Variants in RRP12 observed in about 807,000 individuals in gnomAD.
RRP12 encodes the protein ribosomal RNA processing 12 homolog.
A neutral mutation model predicts 157.3 loss-of-function variants in RRP12; 78 were observed. The observed-to-expected ratio is 0.50, with a 90% CI of 0.41 to 0.60. The LOEUF (loss-of-function observed/expected upper bound fraction) is 0.60, where lower values mean the gene tolerates loss of function less well. Ranked by LOEUF, RRP12 falls within the 20% of genes least tolerant of loss-of-function variation. The probability of loss-of-function intolerance (pLI) is 0.00; values close to 1 mark genes in which losing one functional copy is unlikely to be tolerated. For missense variants in RRP12, 1,521 were observed against 1,679.9 expected, an observed-to-expected ratio of 0.91 and a Z score of 1.65; for synonymous variants, 726 against 670.9, an observed-to-expected ratio of 1.08 and a Z score of -1.27.
intron 10 of RRP12, among the ~76,000 whole-genome samples, chr10:97,383,146 TTA>T (rs1257362215): frequency 5.9e-5 from 9 of 152,328 alleles, no homozygotes; most frequent in African/African-American, 2.2e-4. Context: ...CTTCCAGTTT[TTA>T]TATGTTACCT....
rs145721475 is a variant in RRP12 at position 97,390,460 on chromosome 10, T to C, written c.716A>G (p.His239Arg). 1.9e-5 allele frequency: 30 copies of C among 1,613,970 alleles called. No homozygotes were observed. Among genetic ancestry groups the C allele is most frequent in the Non-Finnish European group, 2.5e-5 (29 of 1,179,978 alleles). The stretch of plus-strand genomic sequence containing the variant: ...ATGCACCGTGAAGCTCAGCAGCCCA[T>C]GGTACACCTGAAGGGTCACGGGGTA... Reference protein sequence around the residue: ...WGYPVTLQVYHGLLSFTVHPK... With the variant: ...WGYPVTLQVYRGLLSFTVHPK... Residue 239 changes from histidine (H) to arginine (R), a missense_variant, in exon 6 of 34, where the codon CAT becomes CGT. By Grantham distance (29) the His-to-Arg change is conservative. Coordinates refer to ENST00000370992, the MANE Select transcript of RRP12 (RefSeq NM_015179.4).
chr10:97,366,522 G>T lies in RRP12; in HGVS notation c.3315C>A (p.Ser1105Arg). The T allele has an allele frequency of 6.2e-7, 1 of 1,614,086 alleles. No homozygotes were observed. The highest frequency in any genetic ancestry group is 8.5e-7 in the Non-Finnish European group (1 of 1,180,040). ...CACCGCCCTCTTTCAGCCATGCCCG[G>T]CTCCTCTGTCGTGCCAGCTTCCGCT... ...KEQRKLARQRSRAWLKEGGGD... is the reference protein window; with the variant it reads ...KEQRKLARQRRRAWLKEGGGD... Residue 1105 changes from serine (S) to arginine (R), a missense_variant, in exon 28 of 34, where the codon AGC becomes AGA. By Grantham distance (110) the Ser-to-Arg change is moderately radical. Coordinates refer to ENST00000370992, the MANE Select transcript of RRP12 (RefSeq NM_015179.4).
rs188789209 is a variant in RRP12 at position 97,385,302 on chromosome 10, A to G, written c.1117-45T>C. 1.3e-4 allele frequency: 193 copies of G among 1,439,952 alleles called. 1 individual carries two copies. In the East Asian group the frequency reaches 3.6e-3, roughly 27 times the overall value. 89.2% of individuals were successfully genotyped at this position (1,439,952 alleles called of 1,614,324 possible). On this transcript the variant is annotated intron_variant, in intron 9 of 33. Coordinates refer to ENST00000370992, the MANE Select transcript of RRP12 (RefSeq NM_015179.4). ...GGTGACTGAGCATGCAGGGTCTGCA[A>G]TAGCCCAGTGATGATGACCCCTTCC...
At chr10:97,368,732 A>G (rs1844057604) in intron 25 of RRP12, among the ~76,000 whole-genome samples, 1 of 152,210 alleles carries the variant, frequency 6.6e-6, no homozygotes. Context: ...GGTCCCTAGT[A>G]GGCTGCAGGC....
chr10:97,365,218 G>A (rs7918948), intron 29 of RRP12, among the ~76,000 whole-genome samples: 50,154 of 150,666 alleles, frequency 0.33, 9,006 homozygotes, highest in African/African-American at 0.47. Flanking sequence ...CCCAGAGCTC[G>A]CAGCACTGGG....
At chr10:97,379,190 G>GA in intron 15 of RRP12, 103 bp downstream of exon 15, 1 of 1,367,360 alleles carries the variant, frequency 7.3e-7, no homozygotes, top group Admixed American at 1.8e-5. Context: ...CAAACGTCTT[G>GA]AAGGCTGGGT....
At chr10:97,395,992 C>A (rs1844952604) in intron 3 of RRP12, among the ~76,000 whole-genome samples, 1 of 151,786 alleles carries the variant, frequency 6.6e-6, no homozygotes, top group Admixed American at 6.6e-5. Flanking sequence ...ATAGTGAGAC[C>A]CTGTCTCTTT....
chr10:97,381,528 C>G (rs780645219), intron 11 of RRP12, 45 bp from the exon 12 acceptor site: 26 of 1,446,156 alleles, frequency 1.8e-5, no homozygotes, highest in Middle Eastern at 3.6e-4. Context: ...GGCAGCCCCC[C>G]AGGACCACTC....
intron 15 of RRP12, among the ~76,000 whole-genome samples, chr10:97,379,037 G>A (rs142624792): frequency 1.2e-4 from 19 of 152,364 alleles, no homozygotes; most frequent in Non-Finnish European, 2.6e-4. Context: ...GGCCCAGTTG[G>A]GGCAGCTCCA....
chr10:97,358,630 A>G lies in RRP12; in HGVS notation c.3709-11T>C, dbSNP rs1216344742. On this transcript the variant is annotated splice_polypyrimidine_tract_variant and intron_variant, in intron 32 of 33. Transcript: ENST00000370992. ...ATCACCTTTTGCTTTCTGCTTGCCC[A>G]GAGAAACAGAGTCAGCTAGGAGGGT... The G allele has an allele frequency of 1.2e-6, 2 of 1,606,000 alleles. No individual in the cohort carries two copies. The highest frequency in any genetic ancestry group is 1.7e-6 in the Non-Finnish European group (2 of 1,172,930).
chr10:97,393,731 C>T lies in RRP12; in HGVS notation c.483G>A (p.Pro161=), dbSNP rs200665625. The T allele has an allele frequency of 4.8e-5, 77 of 1,614,024 alleles. No individual in the cohort carries two copies. The highest frequency in any genetic ancestry group is 6.7e-5 in the Admixed American group (4 of 59,996). Residue 161 remains proline, a synonymous_variant, in exon 4 of 34, where the codon CCG becomes CCA. Coordinates refer to ENST00000370992, the MANE Select transcript of RRP12 (RefSeq NM_015179.4). The part of the protein sequence containing the change: ...LMTTMEAVES[P]ESLAAVAYLL... ...GGTAAGCAACGGCGGCCAGGGACTC[C>T]GGGGACTCCACTGCTTCCATTGTTG...
Position 97,388,524 on chromosome 10 carries a change from G to A in RRP12, c.854C>T (p.Ala285Val), listed in dbSNP as rs1347650402. The change falls in exon 7 of 34, where the codon GCC becomes GTC. Residue 285 changes from alanine to valine, a missense_variant. Transcript: ENST00000370992. ...CTCAATCTCCTGGATGCAGAACTTG[G>A]CAGTGGAAATGGCAGCAGGATGATG... ...PAHHPAAIST[A>V]KFCIQEIEKS... 6.2e-7 allele frequency: 1 copy of A among 1,614,192 alleles called. No individual in the cohort carries two copies. Among genetic ancestry groups the A allele is most frequent in the South Asian group, 1.1e-5 (1 of 91,082 alleles).
chr10:97,386,999 AAG>A (rs1178530257), intron 8 of RRP12, among the ~76,000 whole-genome samples: 3 of 135,866 alleles, frequency 2.2e-5, no homozygotes, highest in African/African-American at 5.7e-5. Context: ...CAAAAAAAAA[AAG>A]AGAGAGAACA....
chr10:97,389,504 G>T (rs985647443), intron 6 of RRP12, among the ~76,000 whole-genome samples: 1 of 152,126 alleles, frequency 6.6e-6, no homozygotes, highest in African/African-American at 2.4e-5. Context: ...AGGGAAGGGG[G>T]CATGAGACCA....
chr10:97,360,406 T>A, intron 31 of RRP12, 140 bp downstream of exon 31: 3 of 687,116 alleles, frequency 4.4e-6, no homozygotes, highest in Non-Finnish European at 7.9e-6. Flanking sequence ...GAGTGTCATA[T>A]CAGCCAACCT....
rs1351023152 is a variant in RRP12 at position 97,379,881 on chromosome 10, A to G, written c.1534-111T>C. On this transcript the variant is annotated intron_variant, in intron 13 of 33. Transcript: ENST00000370992. Reference sequence around the variant, plus strand: ...ATTCTGGGCCTGGGTTCAACGCTACACCAGAGGGTACAGACTGAGAACCCA... The same window carrying G: ...ATTCTGGGCCTGGGTTCAACGCTACGCCAGAGGGTACAGACTGAGAACCCA... 2.2e-5 allele frequency: 23 copies of G among 1,046,492 alleles called. No individual in the cohort carries two copies. In the East Asian group the frequency reaches 5.2e-4, roughly 24 times the overall value. The allele number at this position is 1,046,492 out of a possible 1,614,324, so 64.8% of individuals were successfully genotyped here. A position where few individuals can be genotyped will look rare whatever the true frequency, so the allele number is the denominator to read the frequency against.
At chr10:97,361,531 C>T (rs1249725241) in intron 30 of RRP12, among the ~76,000 whole-genome samples, 1 of 152,212 alleles carries the variant, frequency 6.6e-6, no homozygotes, top group Non-Finnish European at 1.5e-5. Context: ...GAAAGGTATG[C>T]CAGGTAAAGG....
At chr10:97,379,097 C>A (rs1459391302) in intron 15 of RRP12, among the ~76,000 whole-genome samples, 196 bp downstream of exon 15, 4 of 152,218 alleles carry the variant, frequency 2.6e-5, no homozygotes, top group Non-Finnish European at 5.9e-5. Context: ...CAGGGAGGGC[C>A]ACCTGGCCTC....
rs1379396173 is a variant in RRP12 at position 97,373,674 on chromosome 10, G to A, written c.1927C>T (p.Leu643=). The part of the protein sequence containing the change: ...PTDVAISFKG[L]ARTLGMAISE... ...ATGGCCATGCCCAGCGTCCGTGCCA[G>A]CCCTTTGAAGGAGATGGCCACATCT... The change falls in exon 17 of 34, where the codon CTG becomes TTG. Residue 643 remains leucine (L), a synonymous_variant. Transcript: ENST00000370992. 1 of 1,613,984 alleles carries A rather than the reference G, an allele frequency of 6.2e-7. No homozygotes were observed. The highest frequency in any genetic ancestry group is 8.5e-7 in the Non-Finnish European group (1 of 1,179,924).
Sources: gnomAD v4.1 joint callset for allele counts (sites outside exome capture counted in the v4.1 genomes callset) on GRCh38, gnomAD v4.1.1 for gene constraint, MANE v1.5 for transcripts, NCBI Gene and HGNC (gene_info 2026-07-23, HGNC 2026-07-21) for gene names.